MSI2: variants seen among roughly 807,000 people sequenced by gnomAD.
MSI2 encodes RNA-binding protein Musashi homolog 2.
In MSI2, 17 loss-of-function variants were observed where a neutral mutation model predicts 45.6. The observed-to-expected ratio is 0.37, with a 90% CI of 0.26 to 0.56. The LOEUF (loss-of-function observed/expected upper bound fraction) is 0.56. MSI2 is among the 20% of genes least tolerant of loss of function. The pLI is 0.77. For synonymous variants in MSI2, 156 were observed against 158.2 expected, an observed-to-expected ratio of 0.99 and a Z score of 0.11; for missense variants, 293 against 444.2, an observed-to-expected ratio of 0.66 and a Z score of 3.06.
chr17:57,452,026 T>C (rs1470568147), intron 6 of MSI2, among the ~76,000 whole-genome samples: 1 of 152,192 alleles, frequency 6.6e-6, no homozygotes, highest in African/African-American at 2.4e-5. Context: ...GGGGATGTCC[T>C]CTTCTCTTTC....
intron 9 of MSI2, among the ~76,000 whole-genome samples, chr17:57,624,021 G>A (rs1156252512): frequency 6.6e-6 from 1 of 152,222 alleles, no homozygotes; most frequent in African/African-American, 2.4e-5. Context: ...TCCAGGAAGA[G>A]TGGGGTGAGA....
intron 6 of MSI2, among the ~76,000 whole-genome samples, chr17:57,434,809 T>C (rs1363685840): frequency 6.6e-6 from 1 of 151,974 alleles, no homozygotes; most frequent in Admixed American, 6.6e-5. Context: ...TACCCATCGA[T>C]GGGCACTTAA....
At chr17:57,277,077 AC>A (rs1908931552) in intron 5 of MSI2, among the ~76,000 whole-genome samples, 1 of 127,376 alleles carries the variant, frequency 7.9e-6, no homozygotes, top group African/African-American at 3.0e-5. Context: ...TTTTTTTGAG[AC>A]AAAATTCTGC....
chr17:57,377,967 C>T (rs899205897), intron 5 of MSI2, among the ~76,000 whole-genome samples: 12 of 151,202 alleles, frequency 7.9e-5, no homozygotes, highest in African/African-American at 1.9e-4. Context: ...CCCAGCTACT[C>T]GGGAGGCTGA....
intron 5 of MSI2, among the ~76,000 whole-genome samples, chr17:57,339,433 C>T (rs553720787): frequency 1.3e-5 from 2 of 152,240 alleles, no homozygotes; most frequent in East Asian, 3.9e-4. Context: ...CCTCCACTTG[C>T]GTGATGCTTT....
intron 6 of MSI2, among the ~76,000 whole-genome samples, chr17:57,510,024 G>A (rs1319354326): frequency 6.6e-6 from 1 of 152,056 alleles, no homozygotes; most frequent in African/African-American, 2.4e-5. Flanking sequence ...GAGGCAGAAA[G>A]GGTGCATTTT....
At chr17:57,602,520 T>G (rs1038558525) in intron 8 of MSI2, among the ~76,000 whole-genome samples, 1 of 152,146 alleles carries the variant, frequency 6.6e-6, no homozygotes, top group Admixed American at 6.5e-5. Context: ...GCCCAGCTAA[T>G]TTTTTGTGTG....
chr17:57,445,965 T>C (rs571784760), intron 6 of MSI2, among the ~76,000 whole-genome samples: 25 of 152,344 alleles, frequency 1.6e-4, no homozygotes, highest in African/African-American at 6.0e-4. Flanking sequence ...TGCCAGGCAC[T>C]GTTCCGGGTA....
At chr17:57,260,387 A>T (rs965190004) in intron 4 of MSI2, among the ~76,000 whole-genome samples, 3 of 151,920 alleles carry the variant, frequency 2.0e-5, no homozygotes, top group African/African-American at 7.3e-5. Context: ...TTAGTACTTC[A>T]CTTTCTTCAT....
At chr17:57,558,052 C>T (rs1239494189) in intron 7 of MSI2, among the ~76,000 whole-genome samples, 1 of 152,118 alleles carries the variant, frequency 6.6e-6, no homozygotes, top group Non-Finnish European at 1.5e-5. Flanking sequence ...CTCATAACAG[C>T]CTCCTCCCAT....
Position 57,683,675 on chromosome 17 carries a change from A to ATTT in MSI2, c.*4171_*4173dup. The stretch of plus-strand genomic sequence containing the variant: ...GTGGGGGGCTGGTGGGGGAGGGGAG[A>ATTT]TTTTTTTTTTTTTTTCTTGAATGTG... On this transcript the variant is annotated 3_prime_UTR_variant, in exon 14 of 14. Coordinates refer to ENST00000284073, the MANE Select transcript of MSI2 (RefSeq NM_138962.4). The surrounding 1 kb of genome is among the most constrained non-coding windows in gnomAD (Gnocchi z 5.2). 5 of 205,192 alleles carry ATTT rather than the reference A, an allele frequency of 2.4e-5. No homozygotes were observed. The highest frequency in any genetic ancestry group is 7.0e-5 in the East Asian group (1 of 14,354). The allele number at this position is 205,192 out of a possible 1,614,324, so 12.7% of individuals were successfully genotyped here.
chr17:57,486,087 A>G (rs1189464560), intron 6 of MSI2, among the ~76,000 whole-genome samples: 3 of 152,230 alleles, frequency 2.0e-5, no homozygotes, highest in Non-Finnish European at 2.9e-5. Context: ...AGCTTCTGAA[A>G]TGAGTTTTCT....
chr17:57,368,362 C>G (rs1440437763), intron 5 of MSI2, among the ~76,000 whole-genome samples: 3 of 152,012 alleles, frequency 2.0e-5, no homozygotes, highest in Non-Finnish European at 4.4e-5. Context: ...TTGAGAGCAG[C>G]CTGGCCAAAA....
At chr17:57,483,495 G>T (rs561113375) in intron 6 of MSI2, among the ~76,000 whole-genome samples, 8 of 152,284 alleles carry the variant, frequency 5.3e-5, no homozygotes, top group Admixed American at 3.3e-4. Flanking sequence ...ATGCTGATGT[G>T]GCTGTTTTGC....
chr17:57,680,954 C>T lies in MSI2; in HGVS notation c.*1437C>T, dbSNP rs1470547133. On this transcript the variant is annotated 3_prime_UTR_variant, in exon 14 of 14. Coordinates refer to ENST00000284073, the MANE Select transcript of MSI2 (RefSeq NM_138962.4). ...ATAAGCCTGCATTAATACAACCTTT[C>T]TCCATTCACTTTCTATTTACAAATT... 3 of 194,800 alleles carry T rather than the reference C, an allele frequency of 1.5e-5. No homozygotes were observed. The highest frequency in any genetic ancestry group is 3.2e-5 in the Non-Finnish European group (3 of 93,526). The allele number at this position is 194,800 out of a possible 1,614,324, so 12.1% of individuals were successfully genotyped here.
In MSI2 at chr17:57,353,441, G is replaced by C. The variant is rs140913730; in HGVS notation, c.313-47938G>C. ...GTGCCCAGGAGGACACAAGGCTAAA[G>C]ATGGACTTGGTGCACTGATACATGG... On this transcript the variant is annotated intron_variant, in intron 5 of 13. Transcript: ENST00000284073. Among the ~76,000 whole-genome samples the C allele has an allele frequency of 3.1e-3, 467 of 152,334 alleles. 2 individuals are homozygous for C. Among genetic ancestry groups the C allele is most frequent in the African/African-American group, 0.01 (436 of 41,582 alleles).
At chr17:57,476,693 G>A (rs565088119) in intron 6 of MSI2, among the ~76,000 whole-genome samples, 1 of 152,266 alleles carries the variant, frequency 6.6e-6, no homozygotes, top group East Asian at 1.9e-4. Flanking sequence ...TGAGGGTTGG[G>A]CACCAAACTA....
rs559333953 is a variant in MSI2, at chr17:57,409,793, G to A, written c.405+8322G>A. Among the ~76,000 whole-genome samples the A allele has an allele frequency of 3.0e-4, 45 of 152,184 alleles. No individual in the cohort carries two copies. The East Asian group carries it at 8.1e-3, about 28-fold the overall frequency. ...GGGGGCCAAGGCGGGCGAATCATGA[G>A]GTCAGGAGTTCGAGACCAGCCTGGC... On this transcript the variant is annotated intron_variant, in intron 6 of 13. Coordinates refer to ENST00000284073, the MANE Select transcript of MSI2 (RefSeq NM_138962.4).
intron 6 of MSI2, among the ~76,000 whole-genome samples, chr17:57,513,174 G>A (rs1344134972): frequency 1.3e-5 from 2 of 151,808 alleles, no homozygotes; most frequent in Non-Finnish European, 2.9e-5. Flanking sequence ...GGGTTTCACC[G>A]TGTTGGTTAG....
Sources: allele counts gnomAD v4.1 joint callset (sites outside exome capture counted in the v4.1 genomes callset), GRCh38; gene constraint gnomAD v4.1.1; non-coding constraint Gnocchi (gnomAD v3.1); transcripts MANE v1.5; gene names NCBI Gene and HGNC (gene_info 2026-07-23, HGNC 2026-07-21).